Variants in RBFOX1 observed in about 807,000 individuals in gnomAD.
RBFOX1 encodes RNA binding protein fox-1 homolog 1.
RBFOX1 carries 8 observed loss-of-function variants against 57.7 expected under a neutral mutation model. The observed-to-expected ratio is 0.14, with a 90% CI of 0.08 to 0.25. The LOEUF (loss-of-function observed/expected upper bound fraction) is 0.25, where lower values mean the gene tolerates loss of function less well. RBFOX1 is among the 10% of genes least tolerant of loss of function. The pLI, the probability that RBFOX1 is intolerant of heterozygous loss-of-function variation, is 1.00. For synonymous variants in RBFOX1, 326 were observed against 222.4 expected (o/e 1.47, Z -4.15); for missense variants, 611 against 548.5 (o/e 1.11, Z -1.14).
In RBFOX1 at chr16:6,019,827, C is replaced by T. The variant is rs1437535559; in HGVS notation, c.-292C>T. ...CCGCGCCCAGGCAGGCGCGCCAGGG[C>T]GGGGCTGACCTGCCCGCGAAGTTGC... is the stretch of plus-strand genomic sequence containing the variant. On this transcript the variant is annotated 5_prime_UTR_variant, in exon 1 of 16. Transcript: ENST00000550418. The surrounding 1 kb of genome is among the most constrained non-coding windows in gnomAD (Gnocchi z 4.2). 1 of 1,513,056 alleles carries T rather than the reference C, an allele frequency of 6.6e-7. No individual in the cohort carries two copies. 93.7% of individuals were successfully genotyped at this position (1,513,056 alleles called of 1,614,324 possible). A position where few individuals can be genotyped will look rare whatever the true frequency, so the allele number is the denominator to read the frequency against.
Position 6,850,785 on chromosome 16 carries a change from A to G in RBFOX1, c.-16+196135A>G, listed in dbSNP as rs573598327. On this transcript the variant is annotated intron_variant, in intron 3 of 15. Transcript: ENST00000550418. ...CAAATATTGCTGGTGGGAATGTCAA[A>G]TGACTTAATCACTTTGGAAAATCAT... Among the ~76,000 whole-genome samples, 8 of 152,326 alleles carry G rather than the reference A, an allele frequency of 5.3e-5. No individual in the cohort carries two copies. The South Asian group carries it at 1.5e-3, about 28-fold the overall frequency.
chr16:6,767,568 T>C lies in RBFOX1; in HGVS notation c.-16+112918T>C, dbSNP rs375179772. On this transcript the variant is annotated intron_variant, in intron 3 of 15. Transcript: ENST00000550418. ...TTCTGATGAATACAATAATGTCAAA[T>C]ATAGCATTTGTGACAGTATAAATCT... is the stretch of plus-strand genomic sequence containing the variant. Among the ~76,000 whole-genome samples the C allele has an allele frequency of 1.2e-4, 19 of 152,188 alleles. No individual in the cohort carries two copies. In the East Asian group the frequency reaches 3.3e-3, roughly 26 times the overall value.
intron 4 of RBFOX1, among the ~76,000 whole-genome samples, chr16:7,198,424 T>G (rs1300083663): frequency 6.6e-6 from 1 of 152,240 alleles, no homozygotes; most frequent in Non-Finnish European, 1.5e-5. Flanking sequence ...TAAAAATAGT[T>G]AATTTTATGT....
At chr16:5,934,426 T>C (rs1403558434) in intron 4 of RBFOX1, among the ~76,000 whole-genome samples, 3 of 152,228 alleles carry the variant, frequency 2.0e-5, no homozygotes, top group Admixed American at 6.5e-5. Flanking sequence ...TCTATTACTT[T>C]CTTTTAAAAA....
chr16:6,632,352 T>C (rs1345390154), intron 2 of RBFOX1, among the ~76,000 whole-genome samples: 1 of 149,822 alleles, frequency 6.7e-6, no homozygotes, highest in Admixed American at 6.6e-5. Context: ...AAAAAAAAGG[T>C]CTGAACTTGT....
intron 3 of RBFOX1, among the ~76,000 whole-genome samples, chr16:6,665,761 A>AC (rs1555671436): frequency 6.6e-6 from 1 of 152,116 alleles, no homozygotes; most frequent in Non-Finnish European, 1.5e-5. Context: ...GCCATAGACC[A>AC]TTTTTTAGTA....
intron 9 of RBFOX1, among the ~76,000 whole-genome samples, chr16:7,602,619 G>C (rs1197331022): frequency 1.3e-5 from 2 of 152,162 alleles, no homozygotes; most frequent in Non-Finnish European, 2.9e-5. Context: ...ACGAGGAGGA[G>C]TCACAGGGAA....
intron 1 of RBFOX1, among the ~76,000 whole-genome samples, chr16:6,228,450 C>G (rs1487347933): frequency 6.6e-6 from 1 of 151,332 alleles, no homozygotes; most frequent in Admixed American, 6.6e-5. Flanking sequence ...CACACACATA[C>G]ATATACATGC....
intron 4 of RBFOX1, among the ~76,000 whole-genome samples, chr16:7,331,235 C>T (rs150293290): frequency 6.6e-6 from 1 of 152,102 alleles, no homozygotes; most frequent in East Asian, 1.9e-4. Context: ...TAGAAAACGC[C>T]AATAGTTGGA....
chr16:6,218,833 A>C (rs992671008), intron 1 of RBFOX1, among the ~76,000 whole-genome samples: 1 of 139,870 alleles, frequency 7.1e-6, no homozygotes, highest in Non-Finnish European at 1.5e-5. Flanking sequence ...TTAAGTCCCA[A>C]ATGGAGACAA....
intron 4 of RBFOX1, among the ~76,000 whole-genome samples, chr16:7,516,590 A>G (rs370384561): frequency 2.6e-4 from 40 of 152,206 alleles, no homozygotes; most frequent in African/African-American, 8.9e-4. Flanking sequence ...CACACCCTCC[A>G]TGGCCCCAGT....
intron 10 of RBFOX1, among the ~76,000 whole-genome samples, chr16:7,613,891 G>A (rs908898495): frequency 2.6e-5 from 4 of 152,120 alleles, no homozygotes; most frequent in African/African-American, 4.8e-5. Context: ...CCTGACACAA[G>A]TTTGCTCTAT....
intron 4 of RBFOX1, among the ~76,000 whole-genome samples, chr16:5,966,720 C>T (rs1027748369): frequency 1.3e-5 from 2 of 152,092 alleles, no homozygotes; most frequent in Admixed American, 1.3e-4. Context: ...GAGGATGGTG[C>T]TAAAATCATT....
intron 4 of RBFOX1, among the ~76,000 whole-genome samples, chr16:5,966,759 C>G (rs558188150): frequency 6.6e-6 from 1 of 152,202 alleles, no homozygotes; most frequent in East Asian, 1.9e-4. Context: ...ATGATCACAT[C>G]ACTCCACCAG....
At chr16:5,935,734 C>T (rs375323293) in intron 4 of RBFOX1, among the ~76,000 whole-genome samples, 1 of 152,184 alleles carries the variant, frequency 6.6e-6, no homozygotes, top group African/African-American at 2.4e-5. Context: ...TGACATGGAT[C>T]AAAGACCAAG....
intron 1 of RBFOX1, among the ~76,000 whole-genome samples, chr16:5,264,697 G>C (rs1596336169): frequency 6.6e-6 from 1 of 152,136 alleles, no homozygotes; most frequent in African/African-American, 2.4e-5. Flanking sequence ...GATGTGGCTA[G>C]TACTGGCCAG....
chr16:6,808,169 T>TGTGTGA (rs2087405841), intron 3 of RBFOX1, among the ~76,000 whole-genome samples: 1 of 144,834 alleles, frequency 6.9e-6, no homozygotes, highest in Admixed American at 7.0e-5. Context: ...TATGTGTGTG[T>TGTGTGA]GTGTGTGTGT....
intron 5 of RBFOX1, among the ~76,000 whole-genome samples, chr16:7,566,497 C>G (rs530041344): frequency 6.6e-6 from 1 of 152,158 alleles, no homozygotes; most frequent in African/African-American, 2.4e-5. Context: ...ATTAGATATC[C>G]TAAGTTCAAA....
At chr16:6,639,614 C>T (rs559296933) in intron 2 of RBFOX1, among the ~76,000 whole-genome samples, 19 of 152,280 alleles carry the variant, frequency 1.2e-4, no homozygotes, top group African/African-American at 3.9e-4. Context: ...CGGTGGCTCA[C>T]GCCTGTAATC....
Sources: allele counts gnomAD v4.1 joint callset (sites outside exome capture counted in the v4.1 genomes callset), GRCh38; gene constraint gnomAD v4.1.1; non-coding constraint Gnocchi (gnomAD v3.1); transcripts MANE v1.5; gene names NCBI Gene and HGNC (gene_info 2026-07-23, HGNC 2026-07-21).